Variants in SELENON observed in about 807,000 individuals in gnomAD.
SELENON encodes the protein selenoprotein N, 1.
Under a neutral mutation model 59.5 loss-of-function variants are expected in SELENON, and 44 were observed. The observed-to-expected ratio is 0.74, with a 90% CI of 0.58 to 0.95. The LOEUF (loss-of-function observed/expected upper bound fraction) is 0.95, where lower values mean the gene tolerates loss of function less well. SELENON is among the 40% of genes least tolerant of loss of function. SELENON has a pLI of 0.00. For missense variants in SELENON, 674 were observed against 721.4 expected (o/e 0.93, Z 0.75); for synonymous variants, 320 against 305.6 (o/e 1.05, Z -0.49).
intron 12 of SELENON, among the ~76,000 whole-genome samples, chr1:25,815,303 T>C (rs2048000995): frequency 6.6e-6 from 1 of 151,810 alleles, no homozygotes; most frequent in Non-Finnish European, 1.5e-5. Flanking sequence ...GAAGAGGTGA[T>C]GTTGGAAGGT....
At chr1:25,800,989 A>G in intron 1 of SELENON, 54 bp from the exon 2 acceptor site, 1 of 1,417,672 alleles carries the variant, frequency 7.1e-7, no homozygotes, top group South Asian at 1.1e-5. Context: ...CCTGTTGGGG[A>G]CCAGGAGACC....
At position 25,800,370 on chromosome 1, in the gene SELENON, G is replaced by A. The variant is rs2124436760; in HGVS notation, c.140G>A (p.Arg47Gln). The change falls in exon 1 of 13, where the codon CGG becomes CAG. Residue 47 changes from arginine to glutamine, a missense_variant. Transcript: ENST00000361547. Reference sequence around the variant, plus strand: ...GCCGCCGCCGCTGCCGCCGCCGTCCGGGTCTGCGCCCGCCACGCCGAGGCC... The same window carrying A: ...GCCGCCGCCGCTGCCGCCGCCGTCCAGGTCTGCGCCCGCCACGCCGAGGCC... The A allele has an allele frequency of 9.2e-7, 1 of 1,089,944 alleles. No homozygotes were observed. Among genetic ancestry groups the A allele is most frequent in the Non-Finnish European group, 1.1e-6 (1 of 898,076 alleles). The allele number at this position is 1,089,944 out of a possible 1,614,324, so 67.5% of individuals were successfully genotyped here.
intron 7 of SELENON, among the ~76,000 whole-genome samples, chr1:25,810,667 GA>G (rs894391454): frequency 6.6e-6 from 1 of 152,236 alleles, no homozygotes; most frequent in Non-Finnish European, 1.5e-5. Flanking sequence ...GGATGGTCGG[GA>G]TAACATGGGA....
chr1:25,808,723 G>A lies in SELENON; in HGVS notation c.681G>A (p.Glu227=). The change falls in exon 5 of 13, where the codon GAG becomes GAA. Residue 227 remains glutamate (E), a synonymous_variant. Coordinates refer to ENST00000361547, the MANE Select transcript of SELENON (RefSeq NM_020451.3). The stretch of plus-strand genomic sequence containing the variant: ...AGCCCTGGTGGATCATCCCCAGTGA[G>A]CTGAGCATGTTCACTGGCTACCTGT... 5 of 1,614,130 alleles carry A rather than the reference G, an allele frequency of 3.1e-6. No individual in the cohort carries two copies. The highest frequency in any genetic ancestry group is 4.2e-6 in the Non-Finnish European group (5 of 1,180,008).
At chr1:25,804,759 C>A (rs2047891130) in intron 3 of SELENON, among the ~76,000 whole-genome samples, 1 of 149,798 alleles carries the variant, frequency 6.7e-6, no homozygotes, top group Non-Finnish European at 1.5e-5. Context: ...TTGCTTCATT[C>A]ATTACTCCGG....
At chr1:25,808,534 G>C (rs367867622) in intron 4 of SELENON, 46 bp from the exon 4 acceptor site, 1 of 1,601,630 alleles carries the variant, frequency 6.2e-7, no homozygotes, top group South Asian at 1.1e-5. Flanking sequence ...GGAGACCCCG[G>C]AGTCAGGTTC....
chr1:25,813,836 C>A, intron 10 of SELENON, 45 bp from the exon 10 acceptor site: 1 of 1,491,336 alleles, frequency 6.7e-7, no homozygotes, highest in South Asian at 1.1e-5. Context: ...AGATTGCACC[C>A]CAGCAAGATG....
At chr1:25,810,174 T>G (rs1203643378) in intron 7 of SELENON, among the ~76,000 whole-genome samples, 1 of 151,742 alleles carries the variant, frequency 6.6e-6, no homozygotes, top group East Asian at 1.9e-4. Flanking sequence ...GGCCAGCAGC[T>G]AGGCAGGGAC....
chr1:25,814,025 C>G (rs747553314), intron 11 of SELENON, 32 bp downstream of exon 10: 2 of 1,611,638 alleles, frequency 1.2e-6, no homozygotes, highest in Middle Eastern at 1.7e-4. Flanking sequence ...ACAGGAGCGT[C>G]CGGAACAGTG....
intron 5 of SELENON, 54 bp from the exon 5 acceptor site, chr1:25,808,972 G>A (rs1318047059): frequency 6.2e-7 from 1 of 1,612,580 alleles, no homozygotes; most frequent in African/African-American, 1.3e-5. Context: ...CACCCCAGCG[G>A]ATCCAGGCCC....
At position 25,805,568 on chromosome 1, in the gene SELENON, T is replaced by TG. The variant is rs953775945; in HGVS notation, c.537+300dup. On this transcript the variant is annotated intron_variant, in intron 4 of 12. Coordinates refer to ENST00000361547, the MANE Select transcript of SELENON (RefSeq NM_020451.3). ...CTCAGCAGGGTGACTGAGCACAGGT[T>TG]GGGGGGGTCTCGGAGGAAGCAGCAG... Among the ~76,000 whole-genome samples, 77 of 151,056 alleles carry TG rather than the reference T, an allele frequency of 5.1e-4. 1 individual carries two copies. Among genetic ancestry groups the TG allele is most frequent in the African/African-American group, 1.7e-3 (68 of 41,116 alleles).
chr1:25,818,201 A>G lies in SELENON; in HGVS notation c.*2483A>G, dbSNP rs1557436761. On this transcript the variant is annotated 3_prime_UTR_variant, in exon 13 of 13. Coordinates refer to ENST00000361547, the MANE Select transcript of SELENON (RefSeq NM_020451.3). ...CTCCCCTGTCCCCAACATGCCCTGTAATAAAATTAGAGAAGACTAACTAGA... is the reference window on the plus strand; with the variant it reads ...CTCCCCTGTCCCCAACATGCCCTGTGATAAAATTAGAGAAGACTAACTAGA... 2.0e-5 allele frequency: 3 copies of G among 152,382 alleles called. No individual in the cohort carries two copies. Among genetic ancestry groups the G allele is most frequent in the Non-Finnish European group, 4.4e-5 (3 of 68,092 alleles). 9.4% of individuals were successfully genotyped at this position (152,382 alleles called of 1,614,324 possible). A position where few individuals can be genotyped will look rare whatever the true frequency, so the allele number is the denominator to read the frequency against.
chr1:25,814,027 G>C, intron 11 of SELENON, 34 bp downstream of exon 10: 1 of 1,611,116 alleles, frequency 6.2e-7, no homozygotes, highest in Non-Finnish European at 8.5e-7. Flanking sequence ...AGGAGCGTCC[G>C]GAACAGTGGT....
chr1:25,809,112 G>A lies in SELENON; in HGVS notation c.834G>A (p.Leu278=), dbSNP rs1450760589. The stretch of plus-strand genomic sequence containing the variant: ...CCCCTCAGGGAGCTGTGGCCTGCCT[G>A]ACTGCCATCAGCGACTTCTACTACA... The change falls in exon 6 of 13, where the codon CTG becomes CTA. Residue 278 remains leucine (L), a synonymous_variant. Transcript: ENST00000361547. The A allele has an allele frequency of 6.2e-7, 1 of 1,613,690 alleles. No individual in the cohort carries two copies. The highest frequency in any genetic ancestry group is 8.5e-7 in the Non-Finnish European group (1 of 1,180,040).
rs2047976213 is a variant in SELENON at position 25,812,689 on chromosome 1, C to G, written c.1284C>G (p.Val428=). 8.7e-6 allele frequency: 14 copies of G among 1,609,896 alleles called. No homozygotes were observed. The highest frequency in any genetic ancestry group is 1.2e-5 in the Non-Finnish European group (14 of 1,179,002). The change falls in exon 10 of 13, where the codon GTC becomes GTG. Residue 428 remains valine, a splice_region_variant and synonymous_variant. Transcript: ENST00000361547. The stretch of plus-strand genomic sequence containing the variant: ...GCTCTGTCTCGGTGTGGCCCCAGGT[C>G]TCCTACTTGCCGTTCACTGAGGCCT...
At position 25,800,309 on chromosome 1, in the gene SELENON, C is replaced by T; in HGVS notation, c.79C>T (p.Arg27Cys). ...GCAGCCTCCCGCGCCACCGCGCCGC[C>T]GCGCCCGTTCCCTGGCGCTGCTCGG... is the stretch of plus-strand genomic sequence containing the variant. The change falls in exon 1 of 13, where the codon CGC (arginine) becomes TGC (cysteine). Residue 27 changes from arginine (R) to cysteine (C), a missense_variant. By Grantham distance (180) the Arg-to-Cys change is radical. Coordinates refer to ENST00000361547, the MANE Select transcript of SELENON (RefSeq NM_020451.3). 1 of 997,158 alleles carries T rather than the reference C, an allele frequency of 1.0e-6. No individual in the cohort carries two copies. Among genetic ancestry groups the T allele is most frequent in the South Asian group, 4.2e-5 (1 of 23,678 alleles). The allele number at this position is 997,158 out of a possible 1,614,324, so 61.8% of individuals were successfully genotyped here. A position where few individuals can be genotyped will look rare whatever the true frequency, so the allele number is the denominator to read the frequency against.
chr1:25,815,413 T>C (rs2048001974), intron 12 of SELENON, 135 bp from the exon 12 acceptor site: 1 of 763,352 alleles, frequency 1.3e-6, no homozygotes, highest in Non-Finnish European at 2.2e-6. Flanking sequence ...ACGGCAGCAC[T>C]GCCTGCCCAC....
intron 1 of SELENON, among the ~76,000 whole-genome samples, chr1:25,800,821 T>C (rs2047854534): frequency 6.6e-6 from 1 of 151,240 alleles, no homozygotes; most frequent in Admixed American, 6.6e-5. Flanking sequence ...GGGGACAAAC[T>C]GGGAGGGGGC....
rs1572226744 is a variant in SELENON at position 25,800,232 on chromosome 1, T to TGGGCCGGGCC, written c.3_12dup (p.Arg5_?4). Reference sequence around the variant, plus strand: ...CGGCAGCCGCCGCCAGCCGCAGCCATGGGCCGGGCCCGGCCGGGCCAACGC... The same window carrying TGGGCCGGGCC: ...CGGCAGCCGCCGCCAGCCGCAGCCATGGGCCGGGCCGGGCCGGGCCCGGCCGGGCCAACGC... On this transcript the variant is annotated frameshift_variant and start_lost, in exon 1 of 13. Coordinates refer to ENST00000361547, the MANE Select transcript of SELENON (RefSeq NM_020451.3). LOFTEE classifies it high-confidence loss of function. The TGGGCCGGGCC allele has an allele frequency of 9.1e-6, 7 of 772,416 alleles. No individual in the cohort carries two copies. The highest frequency in any genetic ancestry group is 1.1e-5 in the Non-Finnish European group (7 of 639,370). The allele number at this position is 772,416 out of a possible 1,614,324, so 47.8% of individuals were successfully genotyped here.
Sources: gnomAD v4.1 joint callset for allele counts (sites outside exome capture counted in the v4.1 genomes callset) on GRCh38, gnomAD v4.1.1 for gene constraint, MANE v1.5 for transcripts, NCBI Gene and HGNC (gene_info 2026-07-23, HGNC 2026-07-21) for gene names.